Variants in FLI1 observed in about 807,000 individuals in gnomAD.
FLI1 encodes Friend leukemia integration 1 transcription factor.
FLI1 carries 13 observed loss-of-function variants against 53.1 expected under a neutral mutation model. That is an observed-to-expected ratio of 0.24 (90% CI 0.16 to 0.39). The LOEUF (loss-of-function observed/expected upper bound fraction) is 0.39, where lower values mean the gene tolerates loss of function less well. FLI1 is among the 10% of genes least tolerant of loss of function. FLI1 has a pLI of 1.00. For synonymous variants in FLI1, 244 were observed against 236.7 expected (o/e 1.03, Z -0.28); for missense variants, 424 against 600.5 (o/e 0.71, Z 3.07).
intron 5 of FLI1, among the ~76,000 whole-genome samples, chr11:128,794,946 C>G (rs190913350): frequency 6.6e-6 from 1 of 152,076 alleles, no homozygotes; most frequent in Non-Finnish European, 1.5e-5. Context: ...CATGGTGGCA[C>G]GGGCCTGTGG....
chr11:128,794,340 C>T (rs1942366334), intron 5 of FLI1, among the ~76,000 whole-genome samples: 1 of 152,234 alleles, frequency 6.6e-6, no homozygotes, highest in Non-Finnish European at 1.5e-5. Flanking sequence ...TTGGTTCTGC[C>T]TAGTATACTG....
intron 1 of FLI1, among the ~76,000 whole-genome samples, chr11:128,720,446 C>T (rs772627360): frequency 3.3e-5 from 5 of 152,238 alleles, no homozygotes; most frequent in South Asian, 4.1e-4. Flanking sequence ...GCTGAAAAGA[C>T]GATGTTTAAA....
rs193240798 is a variant in FLI1, at chr11:128,778,606, C to T, written c.590-3352C>T. Reference sequence around the variant, plus strand: ...GTAAAAAGGAATAAGGGAATGCTGGCTCTGTATGGCTTATGCAAGGATTAA... The same window carrying T: ...GTAAAAAGGAATAAGGGAATGCTGGTTCTGTATGGCTTATGCAAGGATTAA... On this transcript the variant is annotated intron_variant, in intron 4 of 8. Transcript: ENST00000527786. 2.0e-5 allele frequency among the ~76,000 whole-genome samples: 3 copies of T among 152,318 alleles called. No individual in the cohort carries two copies. In the East Asian group the frequency reaches 5.8e-4, roughly 29 times the overall value.
intron 5 of FLI1, among the ~76,000 whole-genome samples, chr11:128,787,300 C>A (rs1017549984): frequency 6.6e-6 from 1 of 152,036 alleles, no homozygotes; most frequent in African/African-American, 2.4e-5. Flanking sequence ...TATTATTATC[C>A]CCCTTCTATA....
chr11:128,810,851 A>G lies in FLI1; in HGVS notation c.1222A>G (p.Met408Val), dbSNP rs779887574. The G allele has an allele frequency of 1.5e-5, 25 of 1,613,758 alleles. No individual in the cohort carries two copies. Among genetic ancestry groups the G allele is most frequent in the Non-Finnish European group, 1.9e-5 (23 of 1,179,872 alleles). Residue 408 changes from methionine to valine, a missense_variant, in exon 9 of 9, where the codon ATG becomes GTG. Physicochemically the swap from Met to Val is conservative, Grantham distance 21. Transcript: ENST00000527786. This position sits in a 1 kb window ranked among gnomAD's most constrained non-coding sequence, Gnocchi z 6.6. ...CTTTGTCCCTCCCCATCCATCCTCC[A>G]TGCCTGTCACTTCCTCCAGCTTCTT... is the stretch of plus-strand genomic sequence containing the variant. ...VNFVPPHPSS[M>V]PVTSSSFFGA...
At position 128,778,282 on chromosome 11, in the gene FLI1, G is replaced by A. The variant is rs904348512; in HGVS notation, c.590-3676G>A. Among the ~76,000 whole-genome samples, 13 of 152,174 alleles carry A rather than the reference G, an allele frequency of 8.5e-5. No homozygotes were observed. The East Asian group carries it at 9.7e-4, about 11-fold the overall frequency. On this transcript the variant is annotated intron_variant, in intron 4 of 8. Coordinates refer to ENST00000527786, the MANE Select transcript of FLI1 (RefSeq NM_002017.5). ...GAAGTGCGCTACGTGAGACATTATC[G>A]TGACGTGAATCCACCCACTCCCATA...
intron 1 of FLI1, among the ~76,000 whole-genome samples, chr11:128,751,158 G>A (rs1321997837): frequency 6.6e-6 from 1 of 152,178 alleles, no homozygotes; most frequent in Non-Finnish European, 1.5e-5. Context: ...TGTACTCTAG[G>A]AGCCCATGGG....
chr11:128,805,225 T>G, intron 5 of FLI1, 141 bp from the exon 6 acceptor site: 2 of 562,642 alleles, frequency 3.6e-6, no homozygotes, highest in Non-Finnish European at 3.2e-6. Flanking sequence ...AGGGGGTGAG[T>G]ACACTTCCAG....
chr11:128,728,020 C>T (rs1565469480), intron 1 of FLI1, among the ~76,000 whole-genome samples: 1 of 152,248 alleles, frequency 6.6e-6, no homozygotes, highest in Non-Finnish European at 1.5e-5. Flanking sequence ...TACTGACTAG[C>T]AAGTTCATTT....
chr11:128,732,505 G>A (rs1036427844), intron 1 of FLI1, among the ~76,000 whole-genome samples: 2 of 152,222 alleles, frequency 1.3e-5, no homozygotes, highest in Admixed American at 1.3e-4. Flanking sequence ...CCTCCATTGA[G>A]TGTAGTCCAA....
chr11:128,691,168 G>C (rs1247992982), upstream of FLI1, among the ~76,000 whole-genome samples: 1 of 152,120 alleles, frequency 6.6e-6, no homozygotes, highest in East Asian at 1.9e-4. Context: ...CCCTTTGGCT[G>C]CTCGTGAAAA....
chr11:128,778,731 T>C (rs1028554590), intron 4 of FLI1, among the ~76,000 whole-genome samples: 1 of 152,208 alleles, frequency 6.6e-6, no homozygotes, highest in Non-Finnish European at 1.5e-5. Flanking sequence ...CCTGATGTGC[T>C]GGCATCGGGA....
intron 1 of FLI1, among the ~76,000 whole-genome samples, chr11:128,751,188 T>C (rs1039163314): frequency 1.3e-5 from 2 of 152,224 alleles, no homozygotes; most frequent in African/African-American, 2.4e-5. Context: ...TCAGGCTCTA[T>C]CATCACCAAA....
intron 8 of FLI1, 94 bp downstream of exon 8, chr11:128,809,298 G>A: frequency 9.5e-7 from 1 of 1,049,914 alleles, no homozygotes. Context: ...AGACACCTGA[G>A]TGGGGAGTAA....
chr11:128,781,903 C>G, intron 4 of FLI1, 55 bp from the exon 5 acceptor site: 1 of 1,395,024 alleles, frequency 7.2e-7, no homozygotes, highest in Non-Finnish European at 1.0e-6. Context: ...TCATCTCCTA[C>G]TCTTGATCTC....
chr11:128,782,165 G>A (rs1413131546), intron 5 of FLI1, 142 bp downstream of exon 5: 19 of 679,804 alleles, frequency 2.8e-5, no homozygotes, highest in South Asian at 2.0e-4. Flanking sequence ...CAAAATTTTC[G>A]CCACTTGTGC....
chr11:128,751,649 C>T (rs948033282), intron 1 of FLI1, among the ~76,000 whole-genome samples: 6 of 152,080 alleles, frequency 3.9e-5, no homozygotes, highest in Non-Finnish European at 7.4e-5. Context: ...ACCTCAGCCT[C>T]CCAAGTAGCT....
Position 128,764,644 on chromosome 11 carries a change from T to C in FLI1, c.231-3474T>C, listed in dbSNP as rs1410281466. On this transcript the variant is annotated intron_variant, in intron 2 of 8. Transcript: ENST00000527786. ...TCCCTCTTGTTTTCATCAAGCCTTC[T>C]TCACAGGCGCCAGCTGCCTCATTAA... 9 of 1,531,860 alleles carry C rather than the reference T, an allele frequency of 5.9e-6. No individual in the cohort carries two copies. In the African/African-American group the frequency reaches 1.1e-4, roughly 19 times the overall value. 94.9% of individuals were successfully genotyped at this position (1,531,860 alleles called of 1,614,324 possible).
chr11:128,699,872 G>C (rs1331414911), intron 1 of FLI1, among the ~76,000 whole-genome samples: 3 of 152,180 alleles, frequency 2.0e-5, no homozygotes, highest in Non-Finnish European at 2.9e-5. Context: ...GGCCTTATGG[G>C]AATTGGTGGT....
Sources: allele counts gnomAD v4.1 joint callset (sites outside exome capture counted in the v4.1 genomes callset), GRCh38; gene constraint gnomAD v4.1.1; non-coding constraint Gnocchi (gnomAD v3.1); transcripts MANE v1.5; gene names NCBI Gene and HGNC (gene_info 2026-07-23, HGNC 2026-07-21).